SNTG2: variants seen among roughly 807,000 people sequenced by gnomAD.
SNTG2 encodes the protein gamma-2-syntrophin.
Under a neutral mutation model 70.9 loss-of-function variants are expected in SNTG2, and 74 were observed. The observed-to-expected ratio is 1.04, with a 90% CI of 0.86 to 1.27. The LOEUF is 1.27. Among genes scored for constraint, SNTG2 ranks in the 50% most tolerant of loss-of-function variants. SNTG2 has a pLI of 0.00. For synonymous variants in SNTG2, 278 were observed against 273.8 expected, an observed-to-expected ratio of 1.02 and a Z score of -0.15; for missense variants, 717 against 690.7, an observed-to-expected ratio of 1.04 and a Z score of -0.43.
At chr2:1,141,256 A>G (rs958194686) in intron 6 of SNTG2, among the ~76,000 whole-genome samples, 1 of 152,196 alleles carries the variant, frequency 6.6e-6, no homozygotes, top group Non-Finnish European at 1.5e-5. Context: ...TATGGTTAAT[A>G]CTGAAACAGG....
At chr2:1,242,537 A>G (rs1677118394) in intron 11 of SNTG2, among the ~76,000 whole-genome samples, 1 of 152,226 alleles carries the variant, frequency 6.6e-6, no homozygotes, top group African/African-American at 2.4e-5. Context: ...GACTAACCTG[A>G]AAACATTACC....
chr2:1,304,382 C>T (rs948002084), intron 14 of SNTG2, among the ~76,000 whole-genome samples: 13 of 152,132 alleles, frequency 8.5e-5, no homozygotes, highest in Non-Finnish European at 1.8e-4. Context: ...AGCATCTCAC[C>T]TGAGTAGCAC....
chr2:1,142,359 A>G (rs1238737765), intron 6 of SNTG2, among the ~76,000 whole-genome samples: 2 of 152,198 alleles, frequency 1.3e-5, no homozygotes, highest in Non-Finnish European at 2.9e-5. Flanking sequence ...GGGCTCTGCC[A>G]TCCCGTCCAG....
At chr2:1,073,819 G>T (rs1034845708) in intron 1 of SNTG2, among the ~76,000 whole-genome samples, 1 of 152,134 alleles carries the variant, frequency 6.6e-6, no homozygotes, top group Non-Finnish European at 1.5e-5. Context: ...TGAAAACTTT[G>T]CATTCTTTTC....
At chr2:1,140,560 G>A (rs906371913) in intron 6 of SNTG2, among the ~76,000 whole-genome samples, 3 of 152,218 alleles carry the variant, frequency 2.0e-5, no homozygotes, top group Non-Finnish European at 4.4e-5. Context: ...CGAGTGAGGC[G>A]CTCTGGGAGG....
At chr2:1,151,373 G>A (rs1295005414) in intron 6 of SNTG2, among the ~76,000 whole-genome samples, 15 of 152,250 alleles carry the variant, frequency 9.9e-5, no homozygotes, top group Admixed American at 9.8e-4. Context: ...TGGTTTGTTG[G>A]TGGTGCTTTG....
intron 16 of SNTG2, among the ~76,000 whole-genome samples, chr2:1,328,422 C>T (rs1371180969): frequency 6.6e-6 from 1 of 152,126 alleles, no homozygotes; most frequent in Admixed American, 6.5e-5. Context: ...GCTGTCCACC[C>T]ACAACTCTGG....
At chr2:1,126,024 T>G (rs1475975061) in intron 4 of SNTG2, among the ~76,000 whole-genome samples, 2 of 152,222 alleles carry the variant, frequency 1.3e-5, no homozygotes, top group Non-Finnish European at 2.9e-5. Context: ...CTTCTAGCCA[T>G]TTGAAAATAA....
chr2:1,313,030 C>T (rs930189248), intron 15 of SNTG2, among the ~76,000 whole-genome samples: 1 of 152,114 alleles, frequency 6.6e-6, no homozygotes, highest in African/African-American at 2.4e-5. Context: ...CTGGTACTGC[C>T]TGTGGCATCT....
intron 6 of SNTG2, among the ~76,000 whole-genome samples, chr2:1,153,807 A>C (rs887302764): frequency 1.3e-5 from 2 of 152,194 alleles, no homozygotes; most frequent in African/African-American, 2.4e-5. Flanking sequence ...GACTGAATAC[A>C]TTTTCCTAAC....
intron 1 of SNTG2, among the ~76,000 whole-genome samples, chr2:965,186 G>C (rs1660499782): frequency 8.1e-6 from 1 of 123,754 alleles, no homozygotes; most frequent in Admixed American, 8.3e-5. Flanking sequence ...TCCTCCTCCT[G>C]GTCCCCAGTC....
chr2:1,258,606 G>A (rs936159594), intron 12 of SNTG2, among the ~76,000 whole-genome samples: 4 of 152,108 alleles, frequency 2.6e-5, no homozygotes, highest in East Asian at 1.9e-4. Context: ...ACATAATTCC[G>A]TGCACTTTGG....
chr2:1,306,103 C>T (rs1468778570), intron 14 of SNTG2, among the ~76,000 whole-genome samples: 1 of 152,184 alleles, frequency 6.6e-6, no homozygotes, highest in Non-Finnish European at 1.5e-5. Flanking sequence ...AACCTCAGTC[C>T]TTATCACACT....
intron 14 of SNTG2, among the ~76,000 whole-genome samples, chr2:1,270,877 C>A (rs1678983335): frequency 6.6e-6 from 1 of 152,196 alleles, no homozygotes. Flanking sequence ...ACTGATTTTT[C>A]TTTACTAATT....
chr2:1,217,486 C>T (rs150463562), intron 9 of SNTG2, among the ~76,000 whole-genome samples: 1 of 152,302 alleles, frequency 6.6e-6, no homozygotes, highest in African/African-American at 2.4e-5. Flanking sequence ...AGCATTCTTC[C>T]TAATGGACAT....
chr2:1,175,542 T>G (rs1483686780), intron 8 of SNTG2, among the ~76,000 whole-genome samples: 1 of 152,240 alleles, frequency 6.6e-6, no homozygotes, highest in African/African-American at 2.4e-5. Flanking sequence ...CCTTTCCTGC[T>G]TATGGAAAGC....
At chr2:1,106,586 C>T (rs867870892) in intron 4 of SNTG2, among the ~76,000 whole-genome samples, 10 of 73,124 alleles carry the variant, frequency 1.4e-4, no homozygotes, top group Non-Finnish European at 1.9e-4. Flanking sequence ...TCCTTGGTAA[C>T]AGTGGACACG....
At chr2:1,329,626 G>A (rs937116680) in intron 16 of SNTG2, among the ~76,000 whole-genome samples, 3 of 152,240 alleles carry the variant, frequency 2.0e-5, no homozygotes, top group African/African-American at 4.8e-5. Context: ...CATGGGGGTA[G>A]TGCAGGGAAG....
chr2:1,130,890 C>T (rs768432055), intron 4 of SNTG2, among the ~76,000 whole-genome samples: 9 of 152,122 alleles, frequency 5.9e-5, no homozygotes, highest in Admixed American at 2.0e-4. Flanking sequence ...GAGTTTCATT[C>T]GCCGCAGATA....
Sources: gnomAD v4.1 joint callset for allele counts (sites outside exome capture counted in the v4.1 genomes callset) on GRCh38, gnomAD v4.1.1 for gene constraint, MANE v1.5 for transcripts, NCBI Gene and HGNC (gene_info 2026-07-23, HGNC 2026-07-21) for gene names.